The following EBLN1 variants were observed in gnomAD, a reference collection of about 807,000 sequenced individuals.
EBLN1 encodes the protein endogenous Bornavirus like nucleoprotein 1.
EBLN1 carries 1 observed loss-of-function variant against 0.8 expected under a neutral mutation model. That is an observed-to-expected ratio of 1.32 (90% confidence interval 0.47 to 6.26). The LOEUF (loss-of-function observed/expected upper bound fraction) is 6.26, where lower values mean the gene tolerates loss of function less well. Ranked by LOEUF, EBLN1 falls within the 30% of genes most tolerant of loss-of-function variation. The probability of loss-of-function intolerance (pLI) is 0.15; values close to 1 mark genes in which losing one functional copy is unlikely to be tolerated. For synonymous variants in EBLN1, 158 were observed against 158.5 expected, an observed-to-expected ratio of 1.00 and a Z score of 0.02; for missense variants, 396 against 447.9, an observed-to-expected ratio of 0.88 and a Z score of 1.05.
chr10:22,212,412 T>C (rs1166375915), intron 2 of EBLN1, among the ~76,000 whole-genome samples: 1 of 152,240 alleles, frequency 6.6e-6, no homozygotes, highest in African/African-American at 2.4e-5. Flanking sequence ...AGCAGTAGGA[T>C]ACATATACTA....
At chr10:22,214,304 T>G (rs1373363699) in intron 1 of EBLN1, among the ~76,000 whole-genome samples, 1 of 146,490 alleles carries the variant, frequency 6.8e-6, no homozygotes, top group African/African-American at 2.5e-5. Context: ...TTTACTTTCT[T>G]TTTTTTTTTT....
chr10:22,217,272 C>T (rs748484577), intron 1 of EBLN1, among the ~76,000 whole-genome samples: 1 of 152,106 alleles, frequency 6.6e-6, no homozygotes, highest in Non-Finnish European at 1.5e-5. Flanking sequence ...ATTATAGGTG[C>T]GTGCCACCAC....
chr10:22,210,069 A>T, intron 2 of EBLN1, 42 bp from the exon 3 acceptor site: 1 of 1,254,714 alleles, frequency 8.0e-7, no homozygotes, highest in Non-Finnish European at 1.0e-6. Flanking sequence ...AAATATTTTT[A>T]AATTACATTT....
intron 1 of EBLN1, among the ~76,000 whole-genome samples, chr10:22,216,815 T>C (rs1834795354): frequency 6.6e-6 from 1 of 152,226 alleles, no homozygotes; most frequent in South Asian, 2.1e-4. Context: ...GGAAGTTTAA[T>C]CAAGAATCAC....
intron 1 of EBLN1, among the ~76,000 whole-genome samples, chr10:22,216,172 G>A (rs922454695): frequency 2.6e-5 from 4 of 151,462 alleles, no homozygotes; most frequent in Admixed American, 1.3e-4. Flanking sequence ...AGGTGACTGT[G>A]CTTCTATGAT....
intron 1 of EBLN1, among the ~76,000 whole-genome samples, chr10:22,214,056 C>A (rs1193356320): frequency 3.9e-5 from 6 of 151,908 alleles, no homozygotes; most frequent in African/African-American, 1.2e-4. Context: ...GAGGCAATAT[C>A]AAGACAAATT....
chr10:22,211,421 A>G (rs1394848447), intron 2 of EBLN1, among the ~76,000 whole-genome samples: 2 of 152,218 alleles, frequency 1.3e-5, no homozygotes, highest in African/African-American at 2.4e-5. Context: ...GCACATATAA[A>G]TTATAGCATT....
At chr10:22,215,496 G>T (rs936735546) in intron 1 of EBLN1, among the ~76,000 whole-genome samples, 5 of 152,080 alleles carry the variant, frequency 3.3e-5, no homozygotes, top group Non-Finnish European at 5.9e-5. Flanking sequence ...AAGCAATAAG[G>T]AGATAGTATT....
intron 1 of EBLN1, among the ~76,000 whole-genome samples, chr10:22,216,369 C>T (rs999884748): frequency 2.0e-5 from 3 of 152,248 alleles, no homozygotes; most frequent in Admixed American, 1.3e-4. Context: ...TTACAGTAAA[C>T]ATTTAGTCTT....
chr10:22,213,552 G>C (rs1025779464), intron 1 of EBLN1, among the ~76,000 whole-genome samples: 1 of 152,058 alleles, frequency 6.6e-6, no homozygotes, highest in African/African-American at 2.4e-5. Context: ...TTTTCTTGAA[G>C]AAAACCCCCA....
At chr10:22,215,341 C>T (rs372178606) in intron 1 of EBLN1, among the ~76,000 whole-genome samples, 2 of 152,228 alleles carry the variant, frequency 1.3e-5, no homozygotes, top group East Asian at 3.9e-4. Flanking sequence ...TATCACAATA[C>T]TATCTATATG....
chr10:22,212,987 G>T (rs1157374873), intron 1 of EBLN1, among the ~76,000 whole-genome samples, 22 bp from the exon 2 acceptor site: 1 of 151,342 alleles, frequency 6.6e-6, no homozygotes, highest in East Asian at 1.9e-4. Context: ...AAAAAAAAAG[G>T]TTGTATTAAA....
rs561444774 is a variant in EBLN1 at position 22,209,005 on chromosome 10, C to T, written c.979G>A (p.Gly327Arg). 3 of 1,535,750 alleles carry T rather than the reference C, an allele frequency of 2.0e-6. No individual in the cohort carries two copies. The highest frequency in any genetic ancestry group is 1.2e-5 in the South Asian group (1 of 84,054). ...AGTACAGGGAATGTAATAGTTGATC[C>T]TGGTATAATGTCAAGGGCTTCAAAT... is the stretch of plus-strand genomic sequence containing the variant. ...SGFEALDIIPGSTITFPVLQM... is the reference protein window; with the variant it reads ...SGFEALDIIPRSTITFPVLQM... The change falls in exon 3 of 3, where the codon GGA becomes AGA. Residue 327 changes from glycine to arginine, a missense_variant. By Grantham distance (125) the Gly-to-Arg change is moderately radical (BLOSUM62 -2). Transcript: ENST00000422359.
chr10:22,209,608 G>A lies in EBLN1; in HGVS notation c.376C>T (p.Pro126Ser), dbSNP rs1217380667. Residue 126 changes from proline to serine, a missense_variant, in exon 3 of 3, where the codon CCT becomes TCT. Physicochemically the swap from Pro to Ser is moderately conservative, Grantham distance 74. Transcript: ENST00000422359. ...GACATCTCAAGGGCAGTGAAGGTAG[G>A]CAAAACATCTTCAAATTTGCTAGCA... ...LYASKFEDVL[P>S]TFTALEMSSI... 6 of 1,536,354 alleles carry A rather than the reference G, an allele frequency of 3.9e-6. No homozygotes were observed. The highest frequency in any genetic ancestry group is 2.0e-5 in the Admixed American group (1 of 51,020).
In EBLN1 at chr10:22,208,625, A is replaced by C. The variant is rs1834714473; in HGVS notation, c.*258T>G. 6.6e-6 allele frequency among the ~76,000 whole-genome samples: 1 copy of C among 152,236 alleles called. No individual in the cohort carries two copies. Among genetic ancestry groups the C allele is most frequent in the East Asian group, 1.9e-4 (1 of 5,198 alleles). ...CCCACGTGACTACAGAAAACATTTC[A>C]ATTATTTCAAAATTCTACATGTCAA... On this transcript the variant is annotated 3_prime_UTR_variant, in exon 3 of 3. Coordinates refer to ENST00000422359, the MANE Select transcript of EBLN1 (RefSeq NM_001394757.1).
At position 22,209,375 on chromosome 10, in the gene EBLN1, T is replaced by C. The variant is rs144989106; in HGVS notation, c.609A>G (p.Gly203=). The C allele has an allele frequency of 6.2e-7, 1 of 1,605,544 alleles. No individual in the cohort carries two copies. Among genetic ancestry groups the C allele is most frequent in the East Asian group, 2.2e-5 (1 of 44,882 alleles). ...IDWINSRPWV[G]GLMFTFLFGE... Reference sequence around the variant, plus strand: ...CAAATAGAAATGTGAACATTAATCCTCCAACCCATGGTCTTGAGTTGATCC... The same window carrying C: ...CAAATAGAAATGTGAACATTAATCCCCCAACCCATGGTCTTGAGTTGATCC... The change falls in exon 3 of 3, where the codon GGA becomes GGG. Residue 203 remains glycine (G), a synonymous_variant. Coordinates refer to ENST00000422359, the MANE Select transcript of EBLN1 (RefSeq NM_001394757.1).
Position 22,212,949 on chromosome 10 carries a change from AGAGT to A in EBLN1, c.-156_-153del, listed in dbSNP as rs1250685530. Reference sequence around the variant, plus strand: ...ACCACTGCACTCCAGCCTGGCCAACAGAGTGAGATCCTGTCTCTAAAAGAAAAAA... The same window carrying A: ...ACCACTGCACTCCAGCCTGGCCAACAGAGATCCTGTCTCTAAAAGAAAAAA... On this transcript the variant is annotated 5_prime_UTR_variant, in exon 2 of 3. Transcript: ENST00000422359. 2.0e-5 allele frequency among the ~76,000 whole-genome samples: 3 copies of A among 151,298 alleles called. No homozygotes were observed. The highest frequency in any genetic ancestry group is 4.2e-4 in the South Asian group (2 of 4,766).
intron 1 of EBLN1, among the ~76,000 whole-genome samples, chr10:22,214,426 A>T (rs1202143452): frequency 1.3e-5 from 2 of 151,770 alleles, no homozygotes; most frequent in Admixed American, 1.3e-4. Context: ...CAGCCTCCTG[A>T]GTAGCTGGGA....
Position 22,209,718 on chromosome 10 carries a change from A to G in EBLN1, c.266T>C (p.Leu89Ser). Residue 89 changes from leucine (L) to serine (S), a missense_variant, in exon 3 of 3, where the codon TTA becomes TCA. Coordinates refer to ENST00000422359, the MANE Select transcript of EBLN1 (RefSeq NM_001394757.1). ...LVFLCFIFDG[L>S]HKALLSVGVS... Reference sequence around the variant, plus strand: ...ACCGACACTGAGTAGTGCCTTGTGTAATCCATCGAATATAAAACACAAAAA... The same window carrying G: ...ACCGACACTGAGTAGTGCCTTGTGTGATCCATCGAATATAAAACACAAAAA... 1 of 1,535,896 alleles carries G rather than the reference A, an allele frequency of 6.5e-7. No homozygotes were observed.
Sources: allele counts gnomAD v4.1 joint callset (sites outside exome capture counted in the v4.1 genomes callset), GRCh38; gene constraint gnomAD v4.1.1; transcripts MANE v1.5; gene names NCBI Gene and HGNC (gene_info 2026-07-23, HGNC 2026-07-21).